PCDHGB6: variants seen among roughly 807,000 people sequenced by gnomAD.
PCDHGB6 encodes the protein protocadherin gamma-B6.
Under a neutral mutation model 59.1 loss-of-function variants are expected in PCDHGB6, and 51 were observed. That is an observed-to-expected ratio of 0.86 (90% confidence interval 0.69 to 1.09). PCDHGB6 has a LOEUF of 1.09. Ranked by LOEUF, PCDHGB6 falls within the 50% of genes least tolerant of loss-of-function variation. The pLI is 0.00. For synonymous variants in PCDHGB6, 466 were observed against 495.1 expected, an observed-to-expected ratio of 0.94 and a Z score of 0.78; for missense variants, 1,148 against 1,205.1, an observed-to-expected ratio of 0.95 and a Z score of 0.70.
Position 141,409,096 on chromosome 5 carries a change from A to C in PCDHGB6, c.894A>C (p.Thr298=). The change falls in exon 1 of 4, where the codon ACA becomes ACC. Residue 298 remains threonine, a synonymous_variant. Transcript: ENST00000520790. ...TKHMFSLDEK[T]GMIKNNQSFD... ...ATATGTTCTCATTGGATGAGAAAAC[A>C]GGTATGATTAAGAATAACCAGTCAT... 6.2e-7 allele frequency: 1 copy of C among 1,614,074 alleles called. No homozygotes were observed. The highest frequency in any genetic ancestry group is 1.3e-5 in the African/African-American group (1 of 75,076).
chr5:141,421,945 AT>A (rs1473318347), intron 1 of PCDHGB6: 1 of 1,613,342 alleles, frequency 6.2e-7, no homozygotes, highest in Non-Finnish European at 8.5e-7. Flanking sequence ...AAATGATCAC[AT>A]CCCAATGTTT....
chr5:141,422,577 T>G, intron 1 of PCDHGB6: 1 of 1,613,848 alleles, frequency 6.2e-7, no homozygotes, highest in Non-Finnish European at 8.5e-7. Context: ...ACGATAACCC[T>G]CCCGTTTTTC....
intron 1 of PCDHGB6, chr5:141,418,409 G>A (rs2096254230): frequency 6.2e-7 from 1 of 1,613,792 alleles, no homozygotes; most frequent in African/African-American, 1.3e-5. Context: ...GGTGGAGAAA[G>A]ACAATCCTGA....
intron 2 of PCDHGB6, among the ~76,000 whole-genome samples, chr5:141,503,365 G>A (rs2099819492): frequency 6.6e-6 from 1 of 152,020 alleles, no homozygotes; most frequent in East Asian, 1.9e-4. Flanking sequence ...GGGAAGCGGA[G>A]GCAGGTGGAT....
In PCDHGB6 at chr5:141,505,435, G is replaced by A. The variant is rs1274195652; in HGVS notation, c.2520G>A (p.Gln840=). The change falls in exon 3 of 4, where the codon CAG becomes CAA. Residue 840 remains glutamine, a synonymous_variant. Transcript: ENST00000520790. ...GDDTGTWPNN[Q]FDTEMLQAMI... is the part of the protein sequence containing the mutation. ...ACACCGGCACCTGGCCCAACAACCA[G>A]TTTGACACAGAGATGCTGCAAGCCA... 1 of 1,614,096 alleles carries A rather than the reference G, an allele frequency of 6.2e-7. No homozygotes were observed. Among genetic ancestry groups the A allele is most frequent in the African/African-American group, 1.3e-5 (1 of 74,936 alleles).
Position 141,511,040 on chromosome 5 carries a change from C to T in PCDHGB6, c.2660C>T (p.Pro887Leu), listed in dbSNP as rs770767470. The T allele has an allele frequency of 6.2e-7, 1 of 1,614,216 alleles. No individual in the cohort carries two copies. The highest frequency in any genetic ancestry group is 1.7e-5 in the Admixed American group (1 of 60,034). Reference protein sequence around the residue: ...YGPQFTLQHVPDYRQNVYIPG... With the variant: ...YGPQFTLQHVLDYRQNVYIPG... ...CCCCAGTTCACCCTGCAGCACGTGC[C>T]CGACTACCGCCAGAATGTCTACATC... Residue 887 changes from proline (P) to leucine (L), a missense_variant, in exon 4 of 4, where the codon CCC becomes CTC. Physicochemically the swap from Pro to Leu is moderately conservative, Grantham distance 98. Transcript: ENST00000520790.
At chr5:141,428,041 TG>T (rs1260865435) in intron 1 of PCDHGB6, 1 of 1,608,448 alleles carries the variant, frequency 6.2e-7, no homozygotes, top group African/African-American at 1.3e-5. Flanking sequence ...GGCTACCTGG[TG>T]ACCAAGGTGG....
At chr5:141,454,316 A>G (rs887472165) in intron 1 of PCDHGB6, among the ~76,000 whole-genome samples, 4 of 152,188 alleles carry the variant, frequency 2.6e-5, no homozygotes, top group Non-Finnish European at 4.4e-5. Context: ...AAGCATTGAA[A>G]CCTCCAAGAA....
At chr5:141,414,316 G>T (rs2095734692) in intron 1 of PCDHGB6, 1 of 1,613,682 alleles carries the variant, frequency 6.2e-7, no homozygotes, top group Admixed American at 1.7e-5. Flanking sequence ...TTTAGACTCT[G>T]AGCAGAATGG....
intron 1 of PCDHGB6, among the ~76,000 whole-genome samples, chr5:141,448,728 C>T (rs575604763): frequency 6.6e-6 from 1 of 151,986 alleles, no homozygotes; most frequent in Non-Finnish European, 1.5e-5. Context: ...ATCACGAGGT[C>T]AGGAGATCGA....
At position 141,409,290 on chromosome 5, in the gene PCDHGB6, G is replaced by T; in HGVS notation, c.1088G>T (p.Gly363Val). 6.2e-7 allele frequency: 1 copy of T among 1,613,974 alleles called. No individual in the cohort carries two copies. The highest frequency in any genetic ancestry group is 8.5e-7 in the Non-Finnish European group (1 of 1,179,904). ...SDQILENSPP[G>V]MVVALFKTRD... ...CAGATTTTGGAGAATTCACCTCCAGGAATGGTTGTTGCCCTCTTCAAAACA... is the reference window on the plus strand; with the variant it reads ...CAGATTTTGGAGAATTCACCTCCAGTAATGGTTGTTGCCCTCTTCAAAACA... The change falls in exon 1 of 4, where the codon GGA (glycine) becomes GTA (valine). Residue 363 changes from glycine to valine, a missense_variant. Gly to Val is a moderately radical substitution (Grantham distance 109). Around this residue, in one of 5 missense-constraint regions of PCDHGB6, gnomAD observed 549 missense variants for 527.5 expected, o/e 1.04. Transcript: ENST00000520790.
In PCDHGB6 at chr5:141,494,676, C is replaced by T. The variant is rs2099755997; in HGVS notation, c.2419-131C>T. On this transcript the variant is annotated intron_variant, in intron 1 of 3. Transcript: ENST00000520790. ...TTTGTCTTTGGAGATGAGTCCACCCCTGCCCCCTCTTAGTCCGTTTTCTTC... is the reference window on the plus strand; with the variant it reads ...TTTGTCTTTGGAGATGAGTCCACCCTTGCCCCCTCTTAGTCCGTTTTCTTC... 1.7e-5 allele frequency: 26 copies of T among 1,550,800 alleles called. No individual in the cohort carries two copies. In the South Asian group the frequency reaches 3.0e-4, roughly 18 times the overall value.
chr5:141,477,275 G>C lies in PCDHGB6; in HGVS notation c.2419-17532G>C, dbSNP rs1241603826. On this transcript the variant is annotated intron_variant, in intron 1 of 3. Transcript: ENST00000520790. This position sits in a 1 kb window ranked among gnomAD's most constrained non-coding sequence, Gnocchi z 4.9. ...CCTGGATGCTGGCGAGAACGGGCTG[G>C]TGACCTGCGAAGTTCCACCGGGTCT... The C allele has an allele frequency of 2.5e-6, 4 of 1,614,198 alleles. No individual in the cohort carries two copies. The South Asian group carries it at 4.4e-5, about 18-fold the overall frequency.
chr5:141,446,928 C>T (rs988582410), intron 1 of PCDHGB6, among the ~76,000 whole-genome samples: 14 of 152,132 alleles, frequency 9.2e-5, no homozygotes, highest in Non-Finnish European at 1.6e-4. Context: ...TTCCTGATCT[C>T]TTTTTCACTG....
At position 141,486,637 on chromosome 5, in the gene PCDHGB6, G is replaced by C. The variant is rs761072169; in HGVS notation, c.2419-8170G>C. 28 of 1,613,638 alleles carry C rather than the reference G, an allele frequency of 1.7e-5. No homozygotes were observed. The highest frequency in any genetic ancestry group is 1.1e-5 in the Non-Finnish European group (13 of 1,180,034). ...CTGACCCAGACTCTGGCTTGAATGC[G>C]CTTATCTCCTACTCACTCCTGGAGC... On this transcript the variant is annotated intron_variant, in intron 1 of 3. Transcript: ENST00000520790. This position sits in a 1 kb window ranked among gnomAD's most constrained non-coding sequence, Gnocchi z 5.0.
Position 141,475,143 on chromosome 5 carries a change from T to TC in PCDHGB6, c.2419-19662dup, listed in dbSNP as rs372338581. On this transcript the variant is annotated intron_variant, in intron 1 of 3. Transcript: ENST00000520790. ...GGCTTTTTTTCTTTTTGAAATCTTC[T>TC]CCGTCTTCTTCTTCATTAGCAGTGC... Among the ~76,000 whole-genome samples the TC allele has an allele frequency of 4.9e-3, 751 of 152,356 alleles. 5 individuals carry two copies. Among genetic ancestry groups the TC allele is most frequent in the Non-Finnish European group, 6.5e-3 (439 of 68,034 alleles).
intron 1 of PCDHGB6, chr5:141,418,637 T>C: frequency 6.2e-7 from 1 of 1,613,998 alleles, no homozygotes; most frequent in Non-Finnish European, 8.5e-7. Context: ...TCCAGGCACC[T>C]CCATCCTGAG....
chr5:141,409,018 G>T lies in PCDHGB6; in HGVS notation c.816G>T (p.Gly272=), dbSNP rs369210340. The T allele has an allele frequency of 4.0e-5, 64 of 1,613,814 alleles. No individual in the cohort carries two copies. The Admixed American group carries it at 1.1e-3, about 27-fold the overall frequency. ...LQVTATDQDE[G]VNAEINYYFR... ...TGACAGCCACTGACCAGGATGAGGG[G>T]GTCAATGCTGAGATAAACTACTACT... The change falls in exon 1 of 4, where the codon GGG becomes GGT. Residue 272 remains glycine, a synonymous_variant. Transcript: ENST00000520790.
chr5:141,498,104 C>T (rs530844708), intron 2 of PCDHGB6, among the ~76,000 whole-genome samples: 2 of 152,106 alleles, frequency 1.3e-5, no homozygotes, highest in African/African-American at 4.8e-5. Context: ...GTGGTGTGGG[C>T]GTATAATAGG....
Sources: gnomAD v4.1 joint callset for allele counts (sites outside exome capture counted in the v4.1 genomes callset) on GRCh38, gnomAD v4.1.1 for gene constraint, gnomAD v4.1.1 regional missense constraint, Gnocchi (gnomAD v3.1) non-coding constraint, MANE v1.5 for transcripts, NCBI Gene and HGNC (gene_info 2026-07-23, HGNC 2026-07-21) for gene names.